UBASH3B: variants seen among roughly 807,000 people sequenced by gnomAD.
UBASH3B encodes the protein ubiquitin-associated and SH3 domain-containing protein B.
In UBASH3B, 37 loss-of-function variants were observed where a neutral mutation model predicts 83.4. The observed-to-expected ratio is 0.44, with a 90% CI of 0.34 to 0.58. The LOEUF is 0.58. Among genes scored for constraint, UBASH3B ranks in the 20% least tolerant of loss-of-function variants. UBASH3B has a pLI of 0.01. For missense variants in UBASH3B, 657 were observed against 827.2 expected (o/e 0.79, Z 2.52); for synonymous variants, 304 against 318.3 (o/e 0.96, Z 0.48).
Position 122,776,944 on chromosome 11 carries a change from G to A in UBASH3B, c.216-80G>A, listed in dbSNP as rs554013444. 6 of 1,355,282 alleles carry A rather than the reference G, an allele frequency of 4.4e-6. No homozygotes were observed. In the East Asian group the frequency reaches 1.3e-4, roughly 28 times the overall value. 84.0% of individuals were successfully genotyped at this position (1,355,282 alleles called of 1,614,324 possible). ...GTGCCGGGGATTTGGAGCACATGGAGGGTGGATCTGTCTCTCAGTTCTTTT... is the reference window on the plus strand; with the variant it reads ...GTGCCGGGGATTTGGAGCACATGGAAGGTGGATCTGTCTCTCAGTTCTTTT... On this transcript the variant is annotated intron_variant, in intron 2 of 13. Transcript: ENST00000284273.
chr11:122,747,475 A>T (rs982443589), intron 1 of UBASH3B, among the ~76,000 whole-genome samples: 3 of 152,184 alleles, frequency 2.0e-5, no homozygotes, highest in Non-Finnish European at 4.4e-5. Context: ...GGAGGGGAGA[A>T]AAATACACCA....
rs1241787426 is a variant in UBASH3B, at chr11:122,808,085, T to C, written c.1721T>C (p.Val574Ala). The C allele has an allele frequency of 4.3e-6, 7 of 1,614,056 alleles. No homozygotes were observed. In the Admixed American group the frequency reaches 1.2e-4, roughly 27 times the overall value. Residue 574 changes from valine to alanine, a missense_variant, in exon 13 of 14, where the codon GTG (valine) becomes GCG (alanine). This residue lies in a region of UBASH3B where 573 missense variants were observed against 739.0 expected (regional missense o/e 0.78). Coordinates refer to ENST00000284273, the MANE Select transcript of UBASH3B (RefSeq NM_032873.5). ...CKSKGNNILI[V>A]AHASSLEACT... Reference sequence around the variant, plus strand: ...CCCCCAGGAAATAACATCCTGATTGTGGCCCACGCATCTTCCCTTGAAGCG... The same window carrying C: ...CCCCCAGGAAATAACATCCTGATTGCGGCCCACGCATCTTCCCTTGAAGCG...
chr11:122,699,417 C>T (rs1308221396), intron 1 of UBASH3B, among the ~76,000 whole-genome samples: 6 of 152,176 alleles, frequency 3.9e-5, no homozygotes, highest in Non-Finnish European at 8.8e-5. Flanking sequence ...ATCTCTTCTT[C>T]TGTGAAATGC....
At chr11:122,745,359 G>A (rs928125268) in intron 1 of UBASH3B, among the ~76,000 whole-genome samples, 2 of 152,310 alleles carry the variant, frequency 1.3e-5, no homozygotes, top group Admixed American at 6.5e-5. Flanking sequence ...CATTCATTCA[G>A]CAAGTATTTA....
chr11:122,657,607 C>T (rs879703342), intron 1 of UBASH3B, among the ~76,000 whole-genome samples: 2 of 152,110 alleles, frequency 1.3e-5, no homozygotes, highest in Non-Finnish European at 2.9e-5. Flanking sequence ...TCTGGGCAAA[C>T]CTTGTTTATT....
intron 1 of UBASH3B, among the ~76,000 whole-genome samples, chr11:122,683,476 G>C (rs186834271): frequency 6.6e-6 from 1 of 151,386 alleles, no homozygotes; most frequent in Admixed American, 6.6e-5. Context: ...TTAGCCGGGC[G>C]TGGTGGCGCA....
chr11:122,677,881 C>T (rs976608460), intron 1 of UBASH3B, among the ~76,000 whole-genome samples: 6 of 152,210 alleles, frequency 3.9e-5, no homozygotes, highest in African/African-American at 7.2e-5. Flanking sequence ...AAGCAATTCT[C>T]CGGCCTCAGC....
intron 1 of UBASH3B, among the ~76,000 whole-genome samples, chr11:122,700,942 G>A (rs1315205232): frequency 2.0e-5 from 3 of 152,196 alleles, no homozygotes; most frequent in African/African-American, 4.8e-5. Flanking sequence ...GGAAGCCTGT[G>A]TTTTCTCAGA....
chr11:122,682,513 T>C (rs1863755371), intron 1 of UBASH3B, among the ~76,000 whole-genome samples: 1 of 152,256 alleles, frequency 6.6e-6, no homozygotes, highest in Non-Finnish European at 1.5e-5. Flanking sequence ...GTTTGTATCT[T>C]TCCCTGTAAA....
intron 1 of UBASH3B, among the ~76,000 whole-genome samples, chr11:122,699,606 CAAGG>C (rs1864016203): frequency 2.4e-5 from 3 of 127,146 alleles, no homozygotes; most frequent in Non-Finnish European, 4.7e-5. Context: ...TTTTTTGAAA[CAAGG>C]TCTCCCTCTG....
chr11:122,799,300 C>T (rs954415666), intron 10 of UBASH3B, among the ~76,000 whole-genome samples: 1 of 151,994 alleles, frequency 6.6e-6, no homozygotes, highest in African/African-American at 2.4e-5. Context: ...AGACCAGCCT[C>T]AACATGGAGA....
chr11:122,688,391 G>A lies in UBASH3B; in HGVS notation c.161+32181G>A, dbSNP rs554375634. ...CAATTCTCCTGTCTCAGTCTCCCGG[G>A]TAGCTGGGACTACAGGCACATGCCA... is the stretch of plus-strand genomic sequence containing the variant. On this transcript the variant is annotated intron_variant, in intron 1 of 13. Coordinates refer to ENST00000284273, the MANE Select transcript of UBASH3B (RefSeq NM_032873.5). 1.5e-4 allele frequency among the ~76,000 whole-genome samples: 23 copies of A among 151,212 alleles called. No homozygotes were observed. The South Asian group carries it at 4.8e-3, about 32-fold the overall frequency.
intron 1 of UBASH3B, among the ~76,000 whole-genome samples, chr11:122,771,766 C>T (rs1403928863): frequency 1.3e-5 from 2 of 151,210 alleles, no homozygotes; most frequent in Non-Finnish European, 2.9e-5. Context: ...CACACACACA[C>T]ACACACACAC....
chr11:122,734,727 TC>T (rs1290397863), intron 1 of UBASH3B, among the ~76,000 whole-genome samples: 1 of 151,588 alleles, frequency 6.6e-6, no homozygotes, highest in Non-Finnish European at 1.5e-5. Context: ...ATAATCATTT[TC>T]CCCCCTCATC....
chr11:122,717,828 C>T (rs1388029414), intron 1 of UBASH3B, among the ~76,000 whole-genome samples: 4 of 152,074 alleles, frequency 2.6e-5, no homozygotes, highest in Non-Finnish European at 4.4e-5. Context: ...CTGTCCCCCA[C>T]CCCCCATGAC....
intron 1 of UBASH3B, among the ~76,000 whole-genome samples, chr11:122,665,493 C>T (rs897770836): frequency 3.3e-5 from 5 of 152,212 alleles, no homozygotes; most frequent in African/African-American, 1.2e-4. Flanking sequence ...TGCGCCCAGC[C>T]TGGACCAGTG....
At chr11:122,808,311 C>G in intron 13 of UBASH3B, 135 bp downstream of exon 13, 1 of 773,996 alleles carries the variant, frequency 1.3e-6, no homozygotes, top group Non-Finnish European at 2.3e-6. Flanking sequence ...TTCACTCAAC[C>G]AAGATGTATT....
At chr11:122,771,189 G>A (rs1860635485) in intron 1 of UBASH3B, among the ~76,000 whole-genome samples, 1 of 151,002 alleles carries the variant, frequency 6.6e-6, no homozygotes, top group Admixed American at 6.6e-5. Flanking sequence ...TACTTCAGAT[G>A]TCCTTCTGCT....
chr11:122,747,329 G>C (rs556482824), intron 1 of UBASH3B, among the ~76,000 whole-genome samples: 1 of 152,318 alleles, frequency 6.6e-6, no homozygotes, highest in Non-Finnish European at 1.5e-5. Context: ...TGAGTTAATA[G>C]ACCCAGAACC....
Sources: gnomAD v4.1 joint callset for allele counts (sites outside exome capture counted in the v4.1 genomes callset) on GRCh38, gnomAD v4.1.1 for gene constraint, gnomAD v4.1.1 regional missense constraint, MANE v1.5 for transcripts, NCBI Gene and HGNC (gene_info 2026-07-23, HGNC 2026-07-21) for gene names.